The following LGR5 variants were observed in gnomAD, a reference collection of about 807,000 sequenced individuals.
The protein encoded by LGR5 is leucine-rich repeat-containing G protein-coupled receptor 5.
In LGR5, 54 loss-of-function variants were observed where a neutral mutation model predicts 76.7. That is an observed-to-expected ratio of 0.70 (90% CI 0.57 to 0.88). The LOEUF is 0.88. Among genes scored for constraint, LGR5 ranks in the 40% least tolerant of loss-of-function variants. The probability of loss-of-function intolerance (pLI) is 0.00; values close to 1 mark genes in which losing one functional copy is unlikely to be tolerated. For missense variants in LGR5, 1,078 were observed against 1,073.3 expected, an observed-to-expected ratio of 1.00 and a Z score of -0.06; for synonymous variants, 406 against 421.9, an observed-to-expected ratio of 0.96 and a Z score of 0.46.
rs1879034819 is a variant in LGR5 at position 71,580,289 on chromosome 12, T to C, written c.1418T>C (p.Met473Thr). ...TTGTTCATTTAAAGGGTTATAGAAA[T>C]GCCTTATGCTTACCAGTGCTGTGCA... The part of the protein sequence containing the change: ...ENFPELKVIE[M>T]PYAYQCCAFG... Residue 473 changes from methionine to threonine, a missense_variant, in exon 16 of 18, where the codon ATG becomes ACG. Physicochemically the swap from Met to Thr is moderately conservative, Grantham distance 81. Coordinates refer to ENST00000266674, the MANE Select transcript of LGR5 (RefSeq NM_003667.4). 1 of 1,608,452 alleles carries C rather than the reference T, an allele frequency of 6.2e-7. No homozygotes were observed.
chr12:71,523,478 A>G (rs1169920621), intron 2 of LGR5, among the ~76,000 whole-genome samples: 3 of 152,100 alleles, frequency 2.0e-5, no homozygotes, highest in African/African-American at 7.2e-5. Context: ...AACCATCTCT[A>G]AAAAAGAAAA....
intron 8 of LGR5, among the ~76,000 whole-genome samples, chr12:71,563,115 T>A (rs978973085): frequency 6.6e-6 from 1 of 152,152 alleles, no homozygotes; most frequent in African/African-American, 2.4e-5. Context: ...CCTGAGGAAC[T>A]AGCGGCGCCA....
At chr12:71,517,877 A>G (rs1210293437) in intron 2 of LGR5, among the ~76,000 whole-genome samples, 9 of 151,504 alleles carry the variant, frequency 5.9e-5, no homozygotes, top group African/African-American at 2.2e-4. Context: ...TGTAACCATA[A>G]GTATAAAACG....
intron 1 of LGR5, among the ~76,000 whole-genome samples, chr12:71,460,821 T>C (rs1324803022): frequency 6.6e-6 from 1 of 152,132 alleles, no homozygotes; most frequent in Non-Finnish European, 1.5e-5. Flanking sequence ...TTTCCTATTG[T>C]AAAACAGGGC....
intron 1 of LGR5, among the ~76,000 whole-genome samples, chr12:71,498,315 T>C (rs953593239): frequency 2.0e-5 from 3 of 151,488 alleles, no homozygotes; most frequent in Non-Finnish European, 4.4e-5. Context: ...GTATAGCCAT[T>C]TGTCCAGGCT....
At chr12:71,480,757 T>C (rs1269622638) in intron 1 of LGR5, among the ~76,000 whole-genome samples, 1 of 152,116 alleles carries the variant, frequency 6.6e-6, no homozygotes, top group East Asian at 1.9e-4. Context: ...GCTGATGAGA[T>C]CCTTTCAAGT....
intron 1 of LGR5, among the ~76,000 whole-genome samples, chr12:71,447,828 G>C (rs75928881): frequency 0.045 from 6,859 of 152,294 alleles, 205 homozygotes; most frequent in Non-Finnish European, 0.063. Context: ...GTTCGGTTCA[G>C]AAACTGAAAT....
At chr12:71,505,713 A>G (rs1874818958) in intron 2 of LGR5, among the ~76,000 whole-genome samples, 2 of 152,150 alleles carry the variant, frequency 1.3e-5, no homozygotes, top group Admixed American at 6.5e-5. Context: ...CTGGAGTTTT[A>G]TCTATATTTA....
chr12:71,448,625 C>G (rs1186920080), intron 1 of LGR5: 1 of 150,290 alleles, frequency 6.7e-6, no homozygotes, highest in Non-Finnish European at 1.5e-5. Flanking sequence ...AATCTATCCG[C>G]ACAAAATACA....
intron 13 of LGR5, among the ~76,000 whole-genome samples, chr12:71,574,754 T>C (rs1381027263): frequency 1.3e-5 from 2 of 152,104 alleles, no homozygotes; most frequent in Non-Finnish European, 2.9e-5. Flanking sequence ...CTATTCCCAT[T>C]GCCTATAGGA....
chr12:71,558,702 G>A (rs1260268691), intron 6 of LGR5, among the ~76,000 whole-genome samples: 1 of 152,174 alleles, frequency 6.6e-6, no homozygotes, highest in South Asian at 2.1e-4. Flanking sequence ...CACAGAGGAG[G>A]ATCTAACCAC....
At chr12:71,554,327 C>T (rs1301174629) in intron 5 of LGR5, among the ~76,000 whole-genome samples, 1 of 152,060 alleles carries the variant, frequency 6.6e-6, no homozygotes, top group Non-Finnish European at 1.5e-5. Context: ...CCACATGGGC[C>T]AGTTTACCCA....
At chr12:71,455,579 C>G (rs1481934469) in intron 1 of LGR5, among the ~76,000 whole-genome samples, 2 of 152,176 alleles carry the variant, frequency 1.3e-5, no homozygotes, top group Non-Finnish European at 2.9e-5. Context: ...AACATTAAAT[C>G]AACAAGCAGA....
chr12:71,519,004 A>T (rs1484216071), intron 2 of LGR5, among the ~76,000 whole-genome samples: 2 of 152,178 alleles, frequency 1.3e-5, no homozygotes, highest in Non-Finnish European at 2.9e-5. Context: ...ATATAACAAA[A>T]GGGTCCCATC....
intron 2 of LGR5, among the ~76,000 whole-genome samples, chr12:71,510,084 C>G (rs895832656): frequency 6.6e-6 from 1 of 152,124 alleles, no homozygotes; most frequent in African/African-American, 2.4e-5. Context: ...TCAAATGAAA[C>G]AATGATCAAA....
intron 1 of LGR5, among the ~76,000 whole-genome samples, chr12:71,466,511 A>G (rs896164834): frequency 2.6e-5 from 4 of 152,164 alleles, no homozygotes; most frequent in African/African-American, 9.7e-5. Flanking sequence ...AGAAATGAAA[A>G]GTAAATGTAG....
intron 14 of LGR5, among the ~76,000 whole-genome samples, 161 bp from the exon 15 acceptor site, chr12:71,578,643 C>A (rs1290073581): frequency 6.6e-6 from 1 of 152,142 alleles, no homozygotes; most frequent in East Asian, 1.9e-4. Context: ...GAAAAGTTAT[C>A]AAGAGCTAAA....
chr12:71,584,320 G>T lies in LGR5; in HGVS notation c.2310G>T (p.Leu770=). ...WDCSMVKHIA[L]LLFTNCILNC... ...GCTCTATGGTAAAACACATTGCCCT[G>T]TTGCTCTTCACCAACTGCATCCTAA... The change falls in exon 18 of 18, where the codon CTG becomes CTT. Residue 770 remains leucine, a synonymous_variant. Coordinates refer to ENST00000266674, the MANE Select transcript of LGR5 (RefSeq NM_003667.4). The T allele has an allele frequency of 6.2e-7, 1 of 1,614,192 alleles. No individual in the cohort carries two copies.
intron 7 of LGR5, among the ~76,000 whole-genome samples, chr12:71,561,004 A>G (rs1878029435): frequency 6.6e-6 from 1 of 152,240 alleles, no homozygotes; most frequent in South Asian, 2.1e-4. Context: ...AAAGATAAAT[A>G]ATCTATGTTA....
Sources: allele counts gnomAD v4.1 joint callset (sites outside exome capture counted in the v4.1 genomes callset), GRCh38; gene constraint gnomAD v4.1.1; transcripts MANE v1.5; gene names NCBI Gene and HGNC (gene_info 2026-07-23, HGNC 2026-07-21).